USP15: variants seen among roughly 807,000 people sequenced by gnomAD.
USP15 encodes ubiquitin specific peptidase 15, also known as ubiquitin carboxyl-terminal hydrolase 15.
In USP15, 18 loss-of-function variants were observed where a neutral mutation model predicts 127.1. The ratio of observed to expected loss-of-function variants is 0.14; its 90% CI spans 0.10 to 0.21. The LOEUF is 0.21. USP15 is among the 10% of genes least tolerant of loss of function. The probability of loss-of-function intolerance (pLI) is 1.00; values close to 1 mark genes in which losing one functional copy is unlikely to be tolerated. For missense variants in USP15, 805 were observed against 1,159.9 expected (o/e 0.69, Z 4.44); for synonymous variants, 364 against 393.7 (o/e 0.92, Z 0.89).
At chr12:62,263,957 A>G (rs2063132090) in intron 1 of USP15, among the ~76,000 whole-genome samples, 1 of 152,202 alleles carries the variant, frequency 6.6e-6, no homozygotes, top group South Asian at 2.1e-4. Flanking sequence ...TTAATGAGTT[A>G]CAAAGAAAAT....
At chr12:62,314,940 T>G in intron 4 of USP15, 24 bp downstream of exon 4, 1 of 1,540,700 alleles carries the variant, frequency 6.5e-7, no homozygotes, top group African/African-American at 1.4e-5. Context: ...CTGTCTTGTT[T>G]TTAATCCATT....
chr12:62,372,272 A>G (rs549176124), intron 8 of USP15, among the ~76,000 whole-genome samples: 44 of 152,232 alleles, frequency 2.9e-4, no homozygotes, highest in African/African-American at 1.0e-3. Flanking sequence ...CTTGGACCAT[A>G]TACGGTCCTG....
chr12:62,390,953 A>G lies in USP15; in HGVS notation c.1934A>G (p.Asn645Ser). Residue 645 changes from asparagine to serine, a missense_variant, in exon 15 of 22, where the codon AAT (asparagine) becomes AGT (serine). Around this residue, in one of 11 missense-constraint regions of USP15, gnomAD observed 225 missense variants for 239.5 expected, o/e 0.94. Transcript: ENST00000280377. ...CAAAATATTAATGGGAATGGCCCAA[A>G]TGGCATACATGAAGAAGGCTCACCA... ...KDQNINGNGP[N>S]GIHEEGSPSE... 3 of 1,612,776 alleles carry G rather than the reference A, an allele frequency of 1.9e-6. No individual in the cohort carries two copies. The highest frequency in any genetic ancestry group is 2.5e-6 in the Non-Finnish European group (3 of 1,179,230).
intron 1 of USP15, among the ~76,000 whole-genome samples, chr12:62,266,000 G>A (rs60662550): frequency 6.6e-6 from 1 of 152,138 alleles, no homozygotes; most frequent in African/African-American, 2.4e-5. Flanking sequence ...GTTTAGATAT[G>A]ATAGAACATG....
chr12:62,349,129 A>G (rs2137420585), intron 6 of USP15, 92 bp from the exon 7 acceptor site: 1 of 727,504 alleles, frequency 1.4e-6, no homozygotes, highest in Non-Finnish European at 2.0e-6. Context: ...GCATTCATTT[A>G]CTACAAACAT....
intron 21 of USP15, among the ~76,000 whole-genome samples, chr12:62,401,820 C>G (rs1440048820): frequency 1.3e-5 from 2 of 151,008 alleles, no homozygotes; most frequent in African/African-American, 4.9e-5. Context: ...TTCACACTTA[C>G]ATCAGTTTAT....
intron 6 of USP15, among the ~76,000 whole-genome samples, chr12:62,346,924 C>T (rs1214354199): frequency 6.6e-6 from 1 of 152,158 alleles, no homozygotes; most frequent in Non-Finnish European, 1.5e-5. Context: ...AACTGTAATA[C>T]TCTTTTACTT....
chr12:62,346,449 T>C (rs1439034210), intron 6 of USP15, among the ~76,000 whole-genome samples: 1 of 152,152 alleles, frequency 6.6e-6, no homozygotes, highest in East Asian at 1.9e-4. Flanking sequence ...CACTTTGATA[T>C]TATTATGAAA....
rs758347533 is a variant in USP15, at chr12:62,307,270, A to C, written c.348+4350A>C. On this transcript the variant is annotated intron_variant, in intron 3 of 21. Coordinates refer to ENST00000280377, the MANE Select transcript of USP15 (RefSeq NM_001252078.2). ...TTTACTTAACTTCAAGCATGTGCTAATGCATGAAAAAAGGATGACTCAGAG... is the reference window on the plus strand; with the variant it reads ...TTTACTTAACTTCAAGCATGTGCTACTGCATGAAAAAAGGATGACTCAGAG... 3.3e-5 allele frequency among the ~76,000 whole-genome samples: 5 copies of C among 152,322 alleles called. No homozygotes were observed. The East Asian group carries it at 9.6e-4, about 29-fold the overall frequency.
chr12:62,346,063 AAG>A (rs1281693829), intron 6 of USP15, among the ~76,000 whole-genome samples: 1 of 152,178 alleles, frequency 6.6e-6, no homozygotes, highest in Non-Finnish European at 1.5e-5. Flanking sequence ...CCTAACGTAA[AAG>A]AGAAAAAAGA....
intron 1 of USP15, among the ~76,000 whole-genome samples, chr12:62,287,256 A>G (rs1243834280): frequency 6.6e-6 from 1 of 152,172 alleles, no homozygotes. Context: ...TTAGAAGCCG[A>G]AACCTCAGCA....
chr12:62,378,738 G>A (rs2137556178), intron 8 of USP15, among the ~76,000 whole-genome samples: 1 of 152,214 alleles, frequency 6.6e-6, no homozygotes, highest in Non-Finnish European at 1.5e-5. Flanking sequence ...TTTAGTATTA[G>A]GTAGAAGTAC....
intron 7 of USP15, among the ~76,000 whole-genome samples, chr12:62,353,009 A>G (rs1046605908): frequency 2.2e-4 from 34 of 152,050 alleles, no homozygotes; most frequent in African/African-American, 7.5e-4. Context: ...AGACATAGTC[A>G]TGAAAGGTAC....
At chr12:62,308,221 CTAGT>C (rs2064543983) in intron 3 of USP15, among the ~76,000 whole-genome samples, 1 of 151,818 alleles carries the variant, frequency 6.6e-6, no homozygotes, top group Non-Finnish European at 1.5e-5. Flanking sequence ...TGAATTGAGA[CTAGT>C]TGGGGCCTTT....
chr12:62,321,646 A>C (rs2064986127), intron 5 of USP15, 37 bp downstream of exon 5: 1 of 1,447,438 alleles, frequency 6.9e-7, no homozygotes, highest in Admixed American at 2.5e-5. Flanking sequence ...TTATACATGA[A>C]GGTTTTTGGA....
intron 4 of USP15, among the ~76,000 whole-genome samples, chr12:62,319,688 A>G (rs1425413090): frequency 6.6e-6 from 1 of 152,184 alleles, no homozygotes; most frequent in Admixed American, 6.5e-5. Context: ...TGTAAATTAG[A>G]TCACAAAACT....
chr12:62,260,789 C>G (rs962399864), intron 1 of USP15, among the ~76,000 whole-genome samples: 3 of 152,124 alleles, frequency 2.0e-5, no homozygotes, highest in East Asian at 1.9e-4. Context: ...TCCGTAGTGC[C>G]GCTCCCACCT....
At chr12:62,377,890 G>A (rs898993371) in intron 8 of USP15, among the ~76,000 whole-genome samples, 20 of 151,634 alleles carry the variant, frequency 1.3e-4, no homozygotes, top group Non-Finnish European at 1.0e-4. Flanking sequence ...TATTTTAACC[G>A]GTCTTTATGC....
intron 6 of USP15, among the ~76,000 whole-genome samples, chr12:62,333,438 G>T (rs1016228894): frequency 6.6e-6 from 1 of 151,684 alleles, no homozygotes; most frequent in African/African-American, 2.4e-5. Context: ...CTAATTTTTG[G>T]GTTTTTTTGT....
Sources: gnomAD v4.1 joint callset for allele counts (sites outside exome capture counted in the v4.1 genomes callset) on GRCh38, gnomAD v4.1.1 for gene constraint, gnomAD v4.1.1 regional missense constraint, MANE v1.5 for transcripts, NCBI Gene and HGNC (gene_info 2026-07-23, HGNC 2026-07-21) for gene names.